Variants in SLC9B1 observed in about 807,000 individuals in gnomAD.
SLC9B1 encodes the protein solute carrier family 9 member B1.
Under a neutral mutation model 51.7 loss-of-function variants are expected in SLC9B1, and 32 were observed. The observed-to-expected ratio is 0.62, with a 90% CI of 0.47 to 0.83. SLC9B1 has a LOEUF of 0.83. Among genes scored for constraint, SLC9B1 ranks in the 40% least tolerant of loss-of-function variants. The pLI, the probability that SLC9B1 is intolerant of heterozygous loss-of-function variation, is 0.00. For synonymous variants in SLC9B1, 145 were observed against 212.7 expected (o/e 0.68, Z 2.77); for missense variants, 406 against 613.2 (o/e 0.66, Z 3.57).
At chr4:102,956,912 A>G (rs1737841568) in intron 3 of SLC9B1, among the ~76,000 whole-genome samples, 1 of 152,196 alleles carries the variant, frequency 6.6e-6, no homozygotes. Flanking sequence ...TTCAAAGTAT[A>G]TATTATAAAT....
At chr4:102,893,281 CAAAA>C (rs58316456) in intron 11 of SLC9B1, among the ~76,000 whole-genome samples, 290 of 35,130 alleles carry the variant, frequency 8.3e-3, no homozygotes, top group Non-Finnish European at 0.011. Flanking sequence ...GACTCCATCT[CAAAA>C]AAAAAAAAAA....
intron 6 of SLC9B1, among the ~76,000 whole-genome samples, chr4:102,935,248 TTG>T (rs1258820486): frequency 6.6e-6 from 1 of 152,184 alleles, no homozygotes; most frequent in Non-Finnish European, 1.5e-5. Context: ...ATATTCAAGT[TTG>T]TGAATAATCA....
chr4:102,986,740 C>T (rs1739646132), intron 3 of SLC9B1, among the ~76,000 whole-genome samples: 1 of 152,144 alleles, frequency 6.6e-6, no homozygotes, highest in African/African-American at 2.4e-5. Flanking sequence ...GATTCTTTCT[C>T]AGCTTTGTCC....
intron 9 of SLC9B1, among the ~76,000 whole-genome samples, chr4:102,907,653 A>G (rs1735118246): frequency 1.3e-5 from 2 of 152,260 alleles, no homozygotes; most frequent in Non-Finnish European, 2.9e-5. Flanking sequence ...TTGGATGAAG[A>G]GATTTCAGTC....
chr4:102,951,499 A>C (rs1360701038), intron 3 of SLC9B1, among the ~76,000 whole-genome samples: 1 of 152,136 alleles, frequency 6.6e-6, no homozygotes, highest in Non-Finnish European at 1.5e-5. Context: ...AATTTTTAAA[A>C]ATTGGAGACA....
chr4:102,917,999 C>T (rs1307249559), intron 7 of SLC9B1, among the ~76,000 whole-genome samples: 2 of 140,482 alleles, frequency 1.4e-5, no homozygotes, highest in African/African-American at 2.7e-5. Flanking sequence ...AACCGGGAGG[C>T]AGAGGCTGCA....
At chr4:102,955,235 G>T (rs13435038) in intron 3 of SLC9B1, among the ~76,000 whole-genome samples, 1 of 152,100 alleles carries the variant, frequency 6.6e-6, no homozygotes, top group African/African-American at 2.4e-5. Flanking sequence ...CTTTATCAGG[G>T]GTTTCTGCTT....
At chr4:102,900,200 T>A (rs1422334063), downstream of SLC9B1, among the ~76,000 whole-genome samples, 1 of 152,242 alleles carries the variant, frequency 6.6e-6, no homozygotes, top group Non-Finnish European at 1.5e-5. Context: ...TGCCATTCAA[T>A]AAGGCCATTT....
chr4:102,916,089 T>TC (rs1026854318), intron 7 of SLC9B1, among the ~76,000 whole-genome samples: 67 of 152,190 alleles, frequency 4.4e-4, no homozygotes, highest in African/African-American at 1.6e-3. Flanking sequence ...AGTAAGCCCC[T>TC]CCCTATCAGT....
chr4:102,967,096 A>T (rs13140518), intron 3 of SLC9B1, among the ~76,000 whole-genome samples: 2 of 142,820 alleles, frequency 1.4e-5, no homozygotes, highest in African/African-American at 5.3e-5. Context: ...TTTCTATCTG[A>T]GATCTCATTA....
At chr4:102,995,560 A>G (rs3960787) in intron 1 of SLC9B1, among the ~76,000 whole-genome samples, 13,744 of 152,214 alleles carry the variant, frequency 0.09, 802 homozygotes, top group Admixed American at 0.15. Flanking sequence ...AGGGGTCTGA[A>G]TAATAGATGC....
chr4:102,956,633 A>C (rs1180759128), intron 3 of SLC9B1, among the ~76,000 whole-genome samples: 6 of 152,276 alleles, frequency 3.9e-5, no homozygotes, highest in Middle Eastern at 3.4e-3. Flanking sequence ...AACAACAACA[A>C]CACAATATAA....
intron 11 of SLC9B1, among the ~76,000 whole-genome samples, chr4:102,886,610 T>G (rs1227021381): frequency 3.3e-5 from 5 of 152,190 alleles, no homozygotes; most frequent in Admixed American, 6.5e-5. Flanking sequence ...TTTATTTTTA[T>G]TTATTCTTTA....
At chr4:102,990,786 AG>A (rs1230154863) in intron 2 of SLC9B1, among the ~76,000 whole-genome samples, 2 of 152,046 alleles carry the variant, frequency 1.3e-5, no homozygotes, top group African/African-American at 4.8e-5. Flanking sequence ...GGACACATTG[AG>A]GAAGGGAATT....
rs1207198302 is a variant in SLC9B1 at position 102,958,800 on chromosome 4, G to A, written c.212-9373C>T. On this transcript the variant is annotated intron_variant, in intron 3 of 11. Transcript: ENST00000296422. Reference sequence around the variant, plus strand: ...TAGCCGGGCATGGTGGCAGGCACCTGTAGTCCCAGCTACTTGGGAGGCTGA... The same window carrying A: ...TAGCCGGGCATGGTGGCAGGCACCTATAGTCCCAGCTACTTGGGAGGCTGA... Among the ~76,000 whole-genome samples the A allele has an allele frequency of 2.6e-5, 4 of 152,092 alleles. No homozygotes were observed. The East Asian group carries it at 7.7e-4, about 29-fold the overall frequency.
chr4:102,976,056 G>A (rs758416023), intron 3 of SLC9B1, among the ~76,000 whole-genome samples: 2 of 152,044 alleles, frequency 1.3e-5, no homozygotes, highest in Non-Finnish European at 2.9e-5. Flanking sequence ...AAGCAGTGAG[G>A]GAAGAAGAAA....
intron 6 of SLC9B1, among the ~76,000 whole-genome samples, chr4:102,943,158 C>CAAAAAAAA (rs1475762867): frequency 1.9e-4 from 21 of 111,320 alleles, no homozygotes; most frequent in African/African-American, 5.8e-4. Flanking sequence ...TAGCCATAAT[C>CAAAAAAAA]AAAAAAATAA....
At chr4:102,906,350 G>T (rs1274373019) in intron 10 of SLC9B1, 186 bp downstream of exon 10, 4 of 378,052 alleles carry the variant, frequency 1.1e-5, no homozygotes, top group Non-Finnish European at 1.9e-5. Flanking sequence ...GGCTGTCCTT[G>T]GTTTATAAAA....
chr4:102,901,610 G>A (rs1734797831), intron 11 of SLC9B1, among the ~76,000 whole-genome samples: 1 of 152,136 alleles, frequency 6.6e-6, no homozygotes, highest in Admixed American at 6.5e-5. Flanking sequence ...TCTCTTTTGA[G>A]TGTTCATGTT....
Sources: gnomAD v4.1 joint callset for allele counts (sites outside exome capture counted in the v4.1 genomes callset) on GRCh38, gnomAD v4.1.1 for gene constraint, MANE v1.5 for transcripts, NCBI Gene and HGNC (gene_info 2026-07-23, HGNC 2026-07-21) for gene names.